The following GUCY1A2 variants were observed in gnomAD, a reference collection of about 807,000 sequenced individuals.
GUCY1A2 encodes guanylate cyclase 1 soluble subunit alpha 2, also known as guanylate cyclase soluble subunit alpha-2.
Under a neutral mutation model 63.5 loss-of-function variants are expected in GUCY1A2, and 27 were observed. The ratio of observed to expected loss-of-function variants is 0.43; its 90% CI spans 0.31 to 0.59. The LOEUF (loss-of-function observed/expected upper bound fraction) is 0.59, where lower values mean the gene tolerates loss of function less well. Among genes scored for constraint, GUCY1A2 ranks in the 20% least tolerant of loss-of-function variants. GUCY1A2 has a pLI of 0.11. For synonymous variants in GUCY1A2, 364 were observed against 343.5 expected (o/e 1.06, Z -0.66); for missense variants, 768 against 913.3 (o/e 0.84, Z 2.05).
intron 4 of GUCY1A2, among the ~76,000 whole-genome samples, chr11:106,928,520 A>T (rs1860559192): frequency 6.6e-6 from 1 of 152,288 alleles, no homozygotes; most frequent in African/African-American, 2.4e-5. Flanking sequence ...TTCATTAGGA[A>T]AAACGGAAAA....
chr11:106,866,325 T>C (rs1031369352), intron 4 of GUCY1A2, among the ~76,000 whole-genome samples: 1 of 151,830 alleles, frequency 6.6e-6, no homozygotes, highest in African/African-American at 2.4e-5. Context: ...AGTAGAGAAA[T>C]GGTGCTTCTC....
chr11:106,859,570 T>G (rs892873689), intron 4 of GUCY1A2, among the ~76,000 whole-genome samples: 1 of 151,962 alleles, frequency 6.6e-6, no homozygotes, highest in Admixed American at 6.6e-5. Flanking sequence ...CAGATTCCTG[T>G]TCTCAAGAAA....
intron 3 of GUCY1A2, among the ~76,000 whole-genome samples, chr11:106,946,186 G>A (rs1218071713): frequency 6.6e-6 from 1 of 151,968 alleles, no homozygotes; most frequent in African/African-American, 2.4e-5. Flanking sequence ...TATAATCTTA[G>A]AAAGAAAATA....
At chr11:106,855,893 TTTTATTTATTTATTTA>T (rs200600627) in intron 4 of GUCY1A2, among the ~76,000 whole-genome samples, 5,407 of 94,412 alleles carry the variant, frequency 0.057, 134 homozygotes, top group Middle Eastern at 0.076. Context: ...GTCTCTTGTA[TTTTATTTATTTATTTA>T]TTTATTTATT....
At chr11:106,808,993 A>G (rs2135423534) in intron 5 of GUCY1A2, among the ~76,000 whole-genome samples, 1 of 152,266 alleles carries the variant, frequency 6.6e-6, no homozygotes, top group East Asian at 1.9e-4. Context: ...ATTCAATTAA[A>G]ATATTTAACA....
intron 7 of GUCY1A2, among the ~76,000 whole-genome samples, chr11:106,689,657 C>T (rs1163237158): frequency 6.6e-6 from 1 of 152,074 alleles, no homozygotes; most frequent in Non-Finnish European, 1.5e-5. Flanking sequence ...ATCAAAACCA[C>T]AATAAGATAC....
At chr11:106,863,999 T>C (rs1017297170) in intron 4 of GUCY1A2, among the ~76,000 whole-genome samples, 2 of 152,088 alleles carry the variant, frequency 1.3e-5, no homozygotes, top group African/African-American at 4.8e-5. Context: ...TTTGCTGAAG[T>C]TGTTTATCAG....
At chr11:106,878,969 C>T (rs567383912) in intron 4 of GUCY1A2, among the ~76,000 whole-genome samples, 16 of 152,056 alleles carry the variant, frequency 1.1e-4, no homozygotes, top group South Asian at 4.1e-4. Context: ...GTGATAATTT[C>T]GTTACAACAG....
intron 4 of GUCY1A2, among the ~76,000 whole-genome samples, chr11:106,844,181 A>G (rs1246520533): frequency 6.6e-6 from 1 of 151,852 alleles, no homozygotes; most frequent in Non-Finnish European, 1.5e-5. Flanking sequence ...AAGTATTTTT[A>G]ACCTCAGGTA....
At chr11:106,862,492 C>CAA (rs11406839) in intron 4 of GUCY1A2, among the ~76,000 whole-genome samples, 1 of 151,838 alleles carries the variant, frequency 6.6e-6, no homozygotes, top group Admixed American at 6.6e-5. Context: ...AAAAAACAAA[C>CAA]AACAAACAAA....
chr11:106,727,575 T>C (rs1475046947), intron 6 of GUCY1A2, among the ~76,000 whole-genome samples: 1 of 152,132 alleles, frequency 6.6e-6, no homozygotes, highest in Non-Finnish European at 1.5e-5. Flanking sequence ...TCAGGTCACA[T>C]TTTTCAAGGA....
At chr11:106,879,666 G>A in intron 4 of GUCY1A2, among the ~76,000 whole-genome samples, 1 of 152,028 alleles carries the variant, frequency 6.6e-6, no homozygotes, top group Non-Finnish European at 1.5e-5. Flanking sequence ...AAATGGCTCT[G>A]ACTCTCTTCT....
chr11:106,954,976 CT>C (rs142036009), intron 3 of GUCY1A2, among the ~76,000 whole-genome samples: 30 of 144,966 alleles, frequency 2.1e-4, no homozygotes, highest in East Asian at 1.6e-3. Flanking sequence ...CAGTCTGTGT[CT>C]TTTTTTTTTC....
chr11:106,957,353 G>A (rs1422327290), intron 3 of GUCY1A2, among the ~76,000 whole-genome samples: 1 of 151,954 alleles, frequency 6.6e-6, no homozygotes, highest in African/African-American at 2.4e-5. Context: ...GAGTTCCATA[G>A]GCTTAAGCAG....
chr11:106,903,867 T>C (rs962023442), intron 4 of GUCY1A2, among the ~76,000 whole-genome samples: 1 of 152,168 alleles, frequency 6.6e-6, no homozygotes, highest in African/African-American at 2.4e-5. Context: ...AATTCCCAGC[T>C]AATAATATAA....
At position 106,906,254 on chromosome 11, in the gene GUCY1A2, G is replaced by A. The variant is rs550978852; in HGVS notation, c.1206+33206C>T. Among the ~76,000 whole-genome samples the A allele has an allele frequency of 2.0e-5, 3 of 151,438 alleles. 1 individual carries two copies. Among genetic ancestry groups the A allele is most frequent in the African/African-American group, 7.2e-5 (3 of 41,410 alleles). On this transcript the variant is annotated intron_variant, in intron 4 of 7. Coordinates refer to ENST00000526355, the MANE Select transcript of GUCY1A2 (RefSeq NM_000855.3). ...ACTTCAACAAATTTACAAGAAAAAA[G>A]CAACCCCGTCAAAAACTGGGCGAAC... is the stretch of plus-strand genomic sequence containing the variant.
chr11:106,786,903 T>A (rs1305335443), intron 5 of GUCY1A2, among the ~76,000 whole-genome samples: 1 of 152,214 alleles, frequency 6.6e-6, no homozygotes, highest in Non-Finnish European at 1.5e-5. Context: ...ATATTGAGTC[T>A]ATTATTTTTC....
chr11:106,784,907 C>A (rs1173402866), intron 5 of GUCY1A2, among the ~76,000 whole-genome samples: 1 of 152,132 alleles, frequency 6.6e-6, no homozygotes, highest in Non-Finnish European at 1.5e-5. Context: ...CCTCATAATA[C>A]CTCTAACTTT....
chr11:106,815,531 G>T (rs1001059439), intron 4 of GUCY1A2, among the ~76,000 whole-genome samples: 4 of 149,834 alleles, frequency 2.7e-5, no homozygotes, highest in Non-Finnish European at 5.9e-5. Context: ...AAAAAAGAAT[G>T]GCTAAAGAAA....
Sources: allele counts gnomAD v4.1 joint callset (sites outside exome capture counted in the v4.1 genomes callset), GRCh38; gene constraint gnomAD v4.1.1; transcripts MANE v1.5; gene names NCBI Gene and HGNC (gene_info 2026-07-23, HGNC 2026-07-21).